The following ATRNL1 variants were observed in gnomAD, a reference collection of about 807,000 sequenced individuals.
The protein encoded by ATRNL1 is attractin like 1, also known as attractin-like protein 1.
Under a neutral mutation model 182.7 loss-of-function variants are expected in ATRNL1, and 95 were observed. The ratio of observed to expected loss-of-function variants is 0.52; its 90% confidence interval spans 0.44 to 0.62. The LOEUF is 0.62. Among genes scored for constraint, ATRNL1 ranks in the 20% least tolerant of loss-of-function variants. ATRNL1 has a pLI of 0.00. For synonymous variants in ATRNL1, 576 were observed against 568.3 expected (o/e 1.01, Z -0.19); for missense variants, 1,471 against 1,679.5 (o/e 0.88, Z 2.17).
chr10:115,720,906 G>T (rs1947402107), intron 26 of ATRNL1, among the ~76,000 whole-genome samples: 1 of 152,154 alleles, frequency 6.6e-6, no homozygotes, highest in Non-Finnish European at 1.5e-5. Context: ...AATATGAGTT[G>T]ATTGATTTAT....
intron 8 of ATRNL1, among the ~76,000 whole-genome samples, chr10:115,184,984 C>T (rs1554888518): frequency 6.6e-6 from 1 of 151,848 alleles, no homozygotes; most frequent in African/African-American, 2.4e-5. Flanking sequence ...TATGTTTAGA[C>T]TAAAAAATAA....
chr10:115,200,462 G>C (rs529272962), intron 8 of ATRNL1, among the ~76,000 whole-genome samples: 1 of 148,028 alleles, frequency 6.8e-6, no homozygotes, highest in Non-Finnish European at 1.5e-5. Context: ...CCATCTATGA[G>C]TGAGAACATG....
intron 20 of ATRNL1, among the ~76,000 whole-genome samples, chr10:115,407,968 G>A (rs1473045587): frequency 2.1e-5 from 3 of 144,652 alleles, no homozygotes; most frequent in African/African-American, 7.9e-5. Flanking sequence ...ATCTCTTTGT[G>A]GTTTTGATTT....
At chr10:115,361,424 C>T (rs782288262) in intron 19 of ATRNL1, among the ~76,000 whole-genome samples, 1 of 152,068 alleles carries the variant, frequency 6.6e-6, no homozygotes, top group Non-Finnish European at 1.5e-5. Flanking sequence ...TATCAAGCAG[C>T]TTTGGTACTT....
intron 28 of ATRNL1, among the ~76,000 whole-genome samples, chr10:115,889,415 G>A (rs373836098): frequency 2.7e-5 from 4 of 150,382 alleles, no homozygotes; most frequent in South Asian, 4.2e-4. Context: ...TGCAACCTCA[G>A]CCTCCTAGGT....
intron 26 of ATRNL1, among the ~76,000 whole-genome samples, chr10:115,594,592 C>T (rs112150286): frequency 5.6e-4 from 85 of 152,290 alleles, no homozygotes; most frequent in African/African-American, 1.9e-3. Context: ...CCGCAATCTC[C>T]GCCTTCAGGG....
chr10:115,814,926 C>A (rs1000903698), intron 27 of ATRNL1, among the ~76,000 whole-genome samples: 4 of 152,078 alleles, frequency 2.6e-5, no homozygotes, highest in Non-Finnish European at 5.9e-5. Context: ...TACTATGCTA[C>A]CTAAATTCCA....
chr10:115,646,385 T>C (rs1475477815), intron 26 of ATRNL1, among the ~76,000 whole-genome samples: 5 of 152,154 alleles, frequency 3.3e-5, no homozygotes, highest in African/African-American at 1.2e-4. Context: ...CAGTAAGATG[T>C]TTTCCTCCAT....
At chr10:115,344,739 G>A (rs1554939269) in intron 19 of ATRNL1, among the ~76,000 whole-genome samples, 1 of 152,196 alleles carries the variant, frequency 6.6e-6, no homozygotes, top group Non-Finnish European at 1.5e-5. Context: ...AATGTGCTGT[G>A]TTTCACCTGA....
chr10:115,367,482 G>A (rs1203434669), intron 19 of ATRNL1, among the ~76,000 whole-genome samples: 1 of 150,346 alleles, frequency 6.7e-6, no homozygotes, highest in African/African-American at 2.4e-5. Context: ...CCATAGCTCA[G>A]AGTAATTTGA....
chr10:115,590,975 G>A (rs1565194544), intron 26 of ATRNL1, among the ~76,000 whole-genome samples: 1 of 152,138 alleles, frequency 6.6e-6, no homozygotes, highest in African/African-American at 2.4e-5. Flanking sequence ...CTGTTTCAAT[G>A]ATCTCACTTC....
chr10:115,688,301 A>G (rs1008457096), intron 26 of ATRNL1, among the ~76,000 whole-genome samples: 2 of 152,074 alleles, frequency 1.3e-5, no homozygotes, highest in Non-Finnish European at 2.9e-5. Flanking sequence ...TATCCCCTTG[A>G]TACACTGATT....
At chr10:115,265,384 G>A in intron 11 of ATRNL1, 107 bp downstream of exon 11, 1 of 635,168 alleles carries the variant, frequency 1.6e-6, no homozygotes, top group Non-Finnish European at 2.7e-6. Context: ...TAATGGTATT[G>A]GATTTTATGC....
intron 25 of ATRNL1, among the ~76,000 whole-genome samples, chr10:115,543,451 G>A (rs1048566693): frequency 5.1e-4 from 78 of 152,202 alleles, no homozygotes; most frequent in African/African-American, 1.8e-3. Flanking sequence ...ACAGTTATTA[G>A]GAGGTAAATT....
At chr10:115,230,923 A>AAG (rs1849919852) in intron 9 of ATRNL1, among the ~76,000 whole-genome samples, 2 of 77,466 alleles carry the variant, frequency 2.6e-5, no homozygotes, top group Admixed American at 1.4e-4. Context: ...GAGAGAGAGA[A>AAG]AGAGAGAAAT....
intron 24 of ATRNL1, among the ~76,000 whole-genome samples, chr10:115,517,774 C>T (rs1850714363): frequency 6.6e-6 from 1 of 151,676 alleles, no homozygotes; most frequent in African/African-American, 2.4e-5. Flanking sequence ...ATTATTGTTT[C>T]CAGAATTCTG....
At chr10:115,456,724 C>G (rs568600199) in intron 21 of ATRNL1, among the ~76,000 whole-genome samples, 2 of 152,264 alleles carry the variant, frequency 1.3e-5, no homozygotes, top group African/African-American at 4.8e-5. Context: ...ACTTCATCCT[C>G]TATCCACAGA....
At chr10:115,493,690 A>G (rs889747817) in intron 24 of ATRNL1, among the ~76,000 whole-genome samples, 5 of 152,298 alleles carry the variant, frequency 3.3e-5, no homozygotes, top group African/African-American at 1.2e-4. Context: ...GAAATTGCCA[A>G]ACTGCTTTCC....
chr10:115,451,623 A>G (rs1200061975), intron 21 of ATRNL1, among the ~76,000 whole-genome samples: 3 of 152,150 alleles, frequency 2.0e-5, no homozygotes, highest in African/African-American at 7.2e-5. Flanking sequence ...GATGCTGGTG[A>G]GGTTGTGGAG....
Sources: allele counts gnomAD v4.1 joint callset (sites outside exome capture counted in the v4.1 genomes callset), GRCh38; gene constraint gnomAD v4.1.1; transcripts MANE v1.5; gene names NCBI Gene and HGNC (gene_info 2026-07-23, HGNC 2026-07-21).